The following DZANK1 variants were observed in gnomAD, a reference collection of about 807,000 sequenced individuals.
DZANK1 encodes double zinc ribbon and ankyrin repeat-containing protein 1.
In DZANK1, 91 loss-of-function variants were observed where a neutral mutation model predicts 94.5. That is an observed-to-expected ratio of 0.96 (90% CI 0.81 to 1.15). The LOEUF (loss-of-function observed/expected upper bound fraction) is 1.15. Ranked by LOEUF, DZANK1 falls within the 50% of genes most tolerant of loss-of-function variation. The pLI is 0.00. For synonymous variants in DZANK1, 312 were observed against 325.3 expected (o/e 0.96, Z 0.44); for missense variants, 903 against 916.4 (o/e 0.99, Z 0.19).
At chr20:18,403,162 G>C (rs60269515) in intron 13 of DZANK1, among the ~76,000 whole-genome samples, 17,482 of 152,244 alleles carry the variant, frequency 0.11, 1,601 homozygotes, top group East Asian at 0.54. Flanking sequence ...GTGGTCAAGA[G>C]ATGGGGGCTC....
intron 7 of DZANK1, among the ~76,000 whole-genome samples, chr20:18,447,069 A>G (rs1460315884): frequency 6.6e-6 from 1 of 152,244 alleles, no homozygotes; most frequent in African/African-American, 2.4e-5. Context: ...ATGAACAGAA[A>G]AAGAAAAACT....
chr20:18,407,420 C>T (rs1488579475), intron 13 of DZANK1, among the ~76,000 whole-genome samples: 1 of 152,170 alleles, frequency 6.6e-6, no homozygotes. Flanking sequence ...CAAGTCCCTT[C>T]GAATACCTGG....
At position 18,408,550 on chromosome 20, in the gene DZANK1, T is replaced by C. The variant is rs2057073337; in HGVS notation, c.1432+4096A>G. 2.6e-5 allele frequency among the ~76,000 whole-genome samples: 4 copies of C among 152,090 alleles called. No homozygotes were observed. The South Asian group carries it at 6.2e-4, about 24-fold the overall frequency. On this transcript the variant is annotated intron_variant, in intron 13 of 20. Transcript: ENST00000262547. ...CAAATAACATCCAATGGACCTCCAATACCTTCAGTAGCAGGCTTTTCAGCA... is the reference window on the plus strand; with the variant it reads ...CAAATAACATCCAATGGACCTCCAACACCTTCAGTAGCAGGCTTTTCAGCA...
rs575743423 is a variant in DZANK1 at position 18,433,766 on chromosome 20, C to A, written c.748-1G>T. Reference sequence around the variant, plus strand: ...TTCTGCATTCTGCACACAAGCCCATCTGCACAAGGAAAAGGTCTGGTTTAT... The same window carrying A: ...TTCTGCATTCTGCACACAAGCCCATATGCACAAGGAAAAGGTCTGGTTTAT... On this transcript the variant is annotated splice_acceptor_variant, in intron 8 of 20. Transcript: ENST00000262547. LOFTEE classifies it high-confidence loss of function. The A allele has an allele frequency of 6.2e-7, 1 of 1,613,328 alleles. No homozygotes were observed. Among genetic ancestry groups the A allele is most frequent in the South Asian group, 1.1e-5 (1 of 91,052 alleles).
chr20:18,412,059 C>A (rs2057282655), intron 13 of DZANK1, among the ~76,000 whole-genome samples: 1 of 152,108 alleles, frequency 6.6e-6, no homozygotes, highest in Non-Finnish European at 1.5e-5. Context: ...CACTTAATAC[C>A]ACCACAATAG....
intron 10 of DZANK1, among the ~76,000 whole-genome samples, chr20:18,423,884 G>A (rs1230646430): frequency 6.6e-6 from 1 of 151,142 alleles, no homozygotes; most frequent in African/African-American, 2.4e-5. Flanking sequence ...ATTAGAAAAA[G>A]AAAATCAGAT....
At chr20:18,389,649 A>G in intron 19 of DZANK1, 52 bp downstream of exon 19, 2 of 1,606,084 alleles carry the variant, frequency 1.2e-6, no homozygotes, top group Non-Finnish European at 1.7e-6. Context: ...GTGGAGCTCC[A>G]AGCAGTCAGC....
intron 15 of DZANK1, chr20:18,394,820 A>G (rs1358237828): frequency 2.2e-6 from 1 of 457,054 alleles, no homozygotes. Flanking sequence ...CCTTGGAAGA[A>G]GCAGGTTGCT....
intron 15 of DZANK1, chr20:18,394,921 A>G: frequency 2.2e-6 from 1 of 456,336 alleles, no homozygotes; most frequent in South Asian, 1.5e-5. Flanking sequence ...ATGCAGTAAA[A>G]TGGGCGTCTA....
chr20:18,400,296 T>A (rs2056599974), intron 13 of DZANK1, among the ~76,000 whole-genome samples: 1 of 152,194 alleles, frequency 6.6e-6, no homozygotes, highest in African/African-American at 2.4e-5. Flanking sequence ...AACTAGTTAA[T>A]ACCCTGGGCA....
chr20:18,412,865 G>A lies in DZANK1; in HGVS notation c.1243-30C>T, dbSNP rs1191527541. 6.2e-7 allele frequency: 1 copy of A among 1,602,238 alleles called. No homozygotes were observed. Among genetic ancestry groups the A allele is most frequent in the Admixed American group, 1.7e-5 (1 of 58,868 alleles). On this transcript the variant is annotated intron_variant, in intron 12 of 20. Coordinates refer to ENST00000262547, the Ensembl canonical transcript of DZANK1. Reference sequence around the variant, plus strand: ...CAGGCACATCGGGGCCATGCGTGAGGCAGAAGACATTTTTAAAATTAGAAT... The same window carrying A: ...CAGGCACATCGGGGCCATGCGTGAGACAGAAGACATTTTTAAAATTAGAAT...
At chr20:18,390,489 C>G in intron 17 of DZANK1, 30 bp from the exon 18 acceptor site, 1 of 1,603,180 alleles carries the variant, frequency 6.2e-7, no homozygotes, top group Non-Finnish European at 8.5e-7. Flanking sequence ...GGTCATTTCC[C>G]CCACTTCAAA....
At chr20:18,444,759 C>T (rs544509511) in intron 7 of DZANK1, among the ~76,000 whole-genome samples, 10 of 152,042 alleles carry the variant, frequency 6.6e-5, no homozygotes, top group Non-Finnish European at 1.5e-4. Flanking sequence ...CTAGGCCTAA[C>T]TATATGCTGC....
At chr20:18,434,987 C>A (rs996368468) in intron 8 of DZANK1, among the ~76,000 whole-genome samples, 1 of 152,176 alleles carries the variant, frequency 6.6e-6, no homozygotes, top group African/African-American at 2.4e-5. Context: ...GGCTTGATAG[C>A]TCTCCACATA....
At chr20:18,450,166 GA>G (rs1355945786) in intron 6 of DZANK1, among the ~76,000 whole-genome samples, 2 of 152,082 alleles carry the variant, frequency 1.3e-5, no homozygotes, top group African/African-American at 4.8e-5. Context: ...GTATCTCTAG[GA>G]AACTCAAAGG....
chr20:18,448,493 C>T (rs2058966708), intron 7 of DZANK1, among the ~76,000 whole-genome samples: 1 of 152,256 alleles, frequency 6.6e-6, no homozygotes, highest in African/African-American at 2.4e-5. Context: ...TACATACATA[C>T]ATACATAGTC....
At chr20:18,442,780 A>G (rs2058751304) in intron 8 of DZANK1, among the ~76,000 whole-genome samples, 1 of 152,176 alleles carries the variant, frequency 6.6e-6, no homozygotes, top group African/African-American at 2.4e-5. Flanking sequence ...TCCCCAAAAT[A>G]TCAAGTGCTT....
chr20:18,449,381 A>T (rs2059010416), intron 6 of DZANK1, among the ~76,000 whole-genome samples: 1 of 152,186 alleles, frequency 6.6e-6, no homozygotes, highest in African/African-American at 2.4e-5. Context: ...TTATAAAAAT[A>T]AAAAATCATT....
chr20:18,439,432 C>T (rs1326804196), intron 8 of DZANK1, among the ~76,000 whole-genome samples: 1 of 152,166 alleles, frequency 6.6e-6, no homozygotes, highest in Non-Finnish European at 1.5e-5. Context: ...CAGTTTTTAG[C>T]TACATGACCT....
Sources: allele counts gnomAD v4.1 joint callset (sites outside exome capture counted in the v4.1 genomes callset), GRCh38; gene constraint gnomAD v4.1.1; transcripts MANE v1.5; gene names NCBI Gene and HGNC (gene_info 2026-07-23, HGNC 2026-07-21).